The following NAV3 variants were observed in gnomAD, a reference collection of about 807,000 sequenced individuals.
NAV3 encodes neuron navigator 3, also known as pore membrane and/or filament interacting like protein 1.
In NAV3, 87 loss-of-function variants were observed where a neutral mutation model predicts 244.7. The observed-to-expected ratio is 0.36, with a 90% CI of 0.30 to 0.42. The LOEUF is 0.42. NAV3 is among the 20% of genes least tolerant of loss of function. The probability of loss-of-function intolerance (pLI) is 1.00; values close to 1 mark genes in which losing one functional copy is unlikely to be tolerated. For missense variants in NAV3, 2,663 were observed against 2,893.3 expected, an observed-to-expected ratio of 0.92 and a Z score of 1.83; for synonymous variants, 1,126 against 1,042.2, an observed-to-expected ratio of 1.08 and a Z score of -1.55.
intron 2 of NAV3, among the ~76,000 whole-genome samples, chr12:77,785,271 T>G (rs1269916641): frequency 2.0e-5 from 3 of 152,160 alleles, no homozygotes; most frequent in Non-Finnish European, 4.4e-5. Flanking sequence ...TCTGAGACTC[T>G]GGACTCTGCC....
intron 2 of NAV3, among the ~76,000 whole-genome samples, chr12:77,728,676 T>A (rs1876990024): frequency 6.6e-6 from 1 of 151,906 alleles, no homozygotes; most frequent in Admixed American, 6.6e-5. Context: ...CAGTAATAGT[T>A]TGAGGGTGGT....
chr12:77,886,689 A>C (rs771141431), intron 1 of NAV3, among the ~76,000 whole-genome samples: 1 of 152,116 alleles, frequency 6.6e-6, no homozygotes. Flanking sequence ...TCCATGTTTA[A>C]TGTCATTTTC....
intron 12 of NAV3, among the ~76,000 whole-genome samples, chr12:78,107,764 A>G (rs452200): frequency 0.81 from 122,879 of 151,908 alleles, 49,996 homozygotes; most frequent in Non-Finnish European, 0.85. Flanking sequence ...TCTGGAAACT[A>G]GTAGTGAAAG....
rs552581697 is a variant in NAV3, at chr12:77,664,329, A to G, written c.72+92063A>G. Among the ~76,000 whole-genome samples the G allele has an allele frequency of 5.9e-5, 9 of 152,338 alleles. No homozygotes were observed. In the South Asian group the frequency reaches 1.7e-3, roughly 28 times the overall value. ...CTGCACCAAATAATTGTGATATTCAATGAAGAATGAGGTACTGCTTAATGT... is the reference window on the plus strand; with the variant it reads ...CTGCACCAAATAATTGTGATATTCAGTGAAGAATGAGGTACTGCTTAATGT... On this transcript the variant is annotated intron_variant, in intron 2 of 8. Transcript: ENST00000550042.
intron 2 of NAV3, among the ~76,000 whole-genome samples, chr12:77,727,716 T>C (rs893076303): frequency 1.3e-5 from 2 of 151,982 alleles, no homozygotes; most frequent in African/African-American, 4.8e-5. Context: ...GTCTGTGAGG[T>C]AATTACTATC....
intron 2 of NAV3, among the ~76,000 whole-genome samples, chr12:77,616,355 G>T (rs78330035): frequency 0.025 from 3,786 of 151,330 alleles, 62 homozygotes; most frequent in Middle Eastern, 0.088. Flanking sequence ...GCAGTGAGCC[G>T]AGATCACACC....
At chr12:78,193,224 T>C (rs897547695) in intron 34 of NAV3, among the ~76,000 whole-genome samples, 2 of 152,228 alleles carry the variant, frequency 1.3e-5, no homozygotes, top group Non-Finnish European at 2.9e-5. Flanking sequence ...TTACATTCTG[T>C]TCCTCTTCCC....
At chr12:77,592,295 G>A (rs763262926) in intron 2 of NAV3, among the ~76,000 whole-genome samples, 2 of 152,188 alleles carry the variant, frequency 1.3e-5, no homozygotes, top group Admixed American at 6.5e-5. Context: ...GACTAGGTAC[G>A]TATGTTCCTA....
intron 2 of NAV3, among the ~76,000 whole-genome samples, chr12:77,777,535 A>G (rs368133675): frequency 7.2e-5 from 11 of 152,292 alleles, no homozygotes; most frequent in South Asian, 6.2e-4. Context: ...TTATCATGTT[A>G]CTCAGAATGG....
At chr12:77,951,206 C>G (rs1733005935) in intron 3 of NAV3, among the ~76,000 whole-genome samples, 1 of 152,136 alleles carries the variant, frequency 6.6e-6, no homozygotes. Flanking sequence ...CTACAAAGAA[C>G]TCAAACAAAT....
At chr12:78,144,972 C>CA (rs1160489110) in intron 20 of NAV3, 11 of 135,270 alleles carry the variant, frequency 8.1e-5, no homozygotes, top group African/African-American at 3.7e-4. Flanking sequence ...AAAACAACAA[C>CA]AAAAACAAAA....
At chr12:77,827,397 A>G (rs897945211), upstream of NAV3, among the ~76,000 whole-genome samples, 2 of 152,114 alleles carry the variant, frequency 1.3e-5, no homozygotes, top group African/African-American at 2.4e-5. Flanking sequence ...CGTGGTTTGC[A>G]AGTTGCCATT....
chr12:77,764,837 T>C (rs1327557506), intron 2 of NAV3, among the ~76,000 whole-genome samples: 1 of 152,248 alleles, frequency 6.6e-6, no homozygotes, highest in African/African-American at 2.4e-5. Context: ...CGACAGCAAG[T>C]CTAGGTCATT....
chr12:78,015,502 T>G (rs927449553), intron 8 of NAV3, among the ~76,000 whole-genome samples: 4 of 151,980 alleles, frequency 2.6e-5, no homozygotes, highest in Non-Finnish European at 4.4e-5. Flanking sequence ...GTATTTTTTT[T>G]GTCAGGAATG....
chr12:77,750,523 A>G (rs893840400), intron 2 of NAV3, among the ~76,000 whole-genome samples: 1 of 151,932 alleles, frequency 6.6e-6, no homozygotes, highest in Non-Finnish European at 1.5e-5. Context: ...AACCTGAGCA[A>G]TAGAGTGAGA....
intron 1 of NAV3, among the ~76,000 whole-genome samples, chr12:77,874,185 C>T (rs566093779): frequency 6.6e-6 from 1 of 152,026 alleles, no homozygotes; most frequent in Non-Finnish European, 1.5e-5. Context: ...CTGACCTAGC[C>T]AACACTAGGT....
chr12:77,849,932 A>G (rs1407364189), intron 1 of NAV3, among the ~76,000 whole-genome samples: 1 of 152,072 alleles, frequency 6.6e-6, no homozygotes, highest in Non-Finnish European at 1.5e-5. Context: ...TCCTTTTTGT[A>G]CCTGATTAAA....
At chr12:78,105,719 A>G (rs879856539) in intron 12 of NAV3, among the ~76,000 whole-genome samples, 21 of 152,066 alleles carry the variant, frequency 1.4e-4, no homozygotes, top group Admixed American at 1.2e-3. Flanking sequence ...CAAAATGTAA[A>G]AAAAACAAAA....
At chr12:78,052,612 TATC>T (rs1191718272) in intron 11 of NAV3, among the ~76,000 whole-genome samples, 1 of 152,208 alleles carries the variant, frequency 6.6e-6, no homozygotes, top group Non-Finnish European at 1.5e-5. Flanking sequence ...TTACATTTAT[TATC>T]ATTAATAACC....
Sources: allele counts gnomAD v4.1 joint callset (sites outside exome capture counted in the v4.1 genomes callset), GRCh38; gene constraint gnomAD v4.1.1; transcripts MANE v1.5; gene names NCBI Gene and HGNC (gene_info 2026-07-23, HGNC 2026-07-21).